Variants in ZNF277 observed in about 807,000 individuals in gnomAD.
The protein encoded by ZNF277 is zinc finger protein 277, also known as nuclear receptor-interacting factor 4.
Under a neutral mutation model 60.7 loss-of-function variants are expected in ZNF277, and 55 were observed. That is an observed-to-expected ratio of 0.91 (90% CI 0.73 to 1.13). The LOEUF is 1.13. Among genes scored for constraint, ZNF277 ranks in the 50% most tolerant of loss-of-function variants. The pLI is 0.00. For synonymous variants in ZNF277, 178 were observed against 179.3 expected (o/e 0.99, Z 0.06); for missense variants, 510 against 523.0 (o/e 0.98, Z 0.24).
At chr7:112,249,175 G>A (rs1791146017) in intron 1 of ZNF277, among the ~76,000 whole-genome samples, 1 of 152,154 alleles carries the variant, frequency 6.6e-6, no homozygotes, top group African/African-American at 2.4e-5. Flanking sequence ...AGTCCTTCTA[G>A]CTAAAGCCTT....
intron 11 of ZNF277, among the ~76,000 whole-genome samples, chr7:112,342,239 G>A (rs942015434): frequency 4.6e-5 from 7 of 152,112 alleles, no homozygotes; most frequent in Admixed American, 2.6e-4. Flanking sequence ...AGCTACCTTC[G>A]AAGATAGTGT....
intron 6 of ZNF277, 52 bp downstream of exon 6, chr7:112,327,879 T>C: frequency 8.6e-7 from 1 of 1,168,260 alleles, no homozygotes; most frequent in East Asian, 2.7e-5. Context: ...TCTTGGACTC[T>C]GTTGTGAATA....
At chr7:112,292,273 G>C (rs535777758) in intron 2 of ZNF277, among the ~76,000 whole-genome samples, 1 of 152,300 alleles carries the variant, frequency 6.6e-6, no homozygotes, top group Admixed American at 6.5e-5. Context: ...TCAGGCTCCT[G>C]TTACCTCTGT....
At chr7:112,326,165 C>CA (rs1431819339) in intron 5 of ZNF277, among the ~76,000 whole-genome samples, 1 of 152,126 alleles carries the variant, frequency 6.6e-6, no homozygotes, top group Non-Finnish European at 1.5e-5. Flanking sequence ...CCAACCCACC[C>CA]ATACCCCTTG....
chr7:112,326,125 C>G (rs1028544914), intron 5 of ZNF277, among the ~76,000 whole-genome samples: 3 of 152,052 alleles, frequency 2.0e-5, no homozygotes, highest in African/African-American at 7.2e-5. Context: ...ATATTTTGAT[C>G]CTAGATAGAC....
rs112604396 is a variant in ZNF277, at chr7:112,256,571, G to A, written c.92-30302G>A. On this transcript the variant is annotated intron_variant, in intron 1 of 11. Transcript: ENST00000361822. Reference sequence around the variant, plus strand: ...AGTGATTCTCTTGCCTCAACCTAGCGAGTAGCTGGGATTACAGATGTGCAC... The same window carrying A: ...AGTGATTCTCTTGCCTCAACCTAGCAAGTAGCTGGGATTACAGATGTGCAC... 5.4e-3 allele frequency among the ~76,000 whole-genome samples: 824 copies of A among 151,892 alleles called. 13 individuals carry two copies. The highest frequency in any genetic ancestry group is 3.3e-3 in the Non-Finnish European group (221 of 67,952).
chr7:112,260,913 T>C (rs1224721585), intron 1 of ZNF277, among the ~76,000 whole-genome samples: 1 of 152,264 alleles, frequency 6.6e-6, no homozygotes, highest in African/African-American at 2.4e-5. Flanking sequence ...ATTTTTCTTT[T>C]AGTCTTAACA....
chr7:112,285,662 C>T (rs955628766), intron 1 of ZNF277, among the ~76,000 whole-genome samples: 1 of 151,192 alleles, frequency 6.6e-6, no homozygotes, highest in African/African-American at 2.4e-5. Context: ...TCTCAAACTC[C>T]TAACCTCATG....
intron 4 of ZNF277, among the ~76,000 whole-genome samples, chr7:112,310,282 T>C (rs1016599359): frequency 2.6e-5 from 4 of 151,938 alleles, no homozygotes; most frequent in Non-Finnish European, 5.9e-5. Flanking sequence ...GGGCCCACCA[T>C]GAATAACACA....
At chr7:112,242,874 A>G (rs995344658) in intron 1 of ZNF277, among the ~76,000 whole-genome samples, 1 of 152,112 alleles carries the variant, frequency 6.6e-6, no homozygotes, top group Non-Finnish European at 1.5e-5. Context: ...AATCCTAAGC[A>G]AAAAGGACAA....
chr7:112,233,356 A>AG (rs1212506707), intron 1 of ZNF277, among the ~76,000 whole-genome samples: 1 of 152,222 alleles, frequency 6.6e-6, no homozygotes, highest in Non-Finnish European at 1.5e-5. Flanking sequence ...CTGTCCTTGC[A>AG]GGGCCAGTGC....
intron 1 of ZNF277, among the ~76,000 whole-genome samples, chr7:112,213,375 G>A (rs1457233960): frequency 6.6e-6 from 1 of 152,088 alleles, no homozygotes; most frequent in Non-Finnish European, 1.5e-5. Flanking sequence ...TTTGTATAAG[G>A]TTCTGAAGAG....
At chr7:112,231,227 A>T (rs1822319459) in intron 1 of ZNF277, among the ~76,000 whole-genome samples, 1 of 152,078 alleles carries the variant, frequency 6.6e-6, no homozygotes, top group East Asian at 1.9e-4. Flanking sequence ...AAAAAAAAAA[A>T]AATTGTGTCT....
At chr7:112,229,763 G>A (rs1057258743) in intron 1 of ZNF277, among the ~76,000 whole-genome samples, 6 of 152,334 alleles carry the variant, frequency 3.9e-5, no homozygotes, top group Admixed American at 6.5e-5. Flanking sequence ...CAGAAGTGCC[G>A]TGAAAGAGTC....
intron 7 of ZNF277, among the ~76,000 whole-genome samples, chr7:112,332,525 A>G (rs1217499193): frequency 1.3e-5 from 2 of 152,138 alleles, no homozygotes; most frequent in Non-Finnish European, 1.5e-5. Flanking sequence ...ATAATGATCT[A>G]TTCTCCCACC....
intron 1 of ZNF277, among the ~76,000 whole-genome samples, chr7:112,208,866 G>A (rs71561758): frequency 2.6e-5 from 4 of 151,854 alleles, no homozygotes; most frequent in African/African-American, 9.7e-5. Flanking sequence ...ATTTTTAGTA[G>A]AGACGGGGTT....
intron 1 of ZNF277, among the ~76,000 whole-genome samples, chr7:112,207,960 T>G (rs1821603390): frequency 6.6e-6 from 1 of 152,164 alleles, no homozygotes; most frequent in East Asian, 1.9e-4. Context: ...GGTTTATTTT[T>G]GGGTTGGTTA....
intron 6 of ZNF277, among the ~76,000 whole-genome samples, chr7:112,328,637 G>A (rs958118190): frequency 5.9e-5 from 9 of 152,226 alleles, no homozygotes; most frequent in Admixed American, 3.3e-4. Context: ...TTGGGAGGCC[G>A]AGGTGGGCGG....
intron 4 of ZNF277, among the ~76,000 whole-genome samples, chr7:112,298,025 A>C (rs933308594): frequency 6.6e-6 from 1 of 152,176 alleles, no homozygotes; most frequent in East Asian, 1.9e-4. Context: ...ATGCCAGCTT[A>C]CAGAAACAAA....
Sources: gnomAD v4.1 joint callset for allele counts (sites outside exome capture counted in the v4.1 genomes callset) on GRCh38, gnomAD v4.1.1 for gene constraint, MANE v1.5 for transcripts, NCBI Gene and HGNC (gene_info 2026-07-23, HGNC 2026-07-21) for gene names.